HERC6: variants seen among roughly 807,000 people sequenced by gnomAD.
HERC6 encodes the protein HECT and RLD domain containing E3 ubiquitin protein ligase family member 6.
In HERC6, 101 loss-of-function variants were observed where a neutral mutation model predicts 114.5. The observed-to-expected ratio is 0.88, with a 90% CI of 0.75 to 1.04. The LOEUF (loss-of-function observed/expected upper bound fraction) is 1.04. Among genes scored for constraint, HERC6 ranks in the 50% least tolerant of loss-of-function variants. HERC6 has a pLI of 0.00. For synonymous variants in HERC6, 408 were observed against 436.2 expected (o/e 0.94, Z 0.81); for missense variants, 1,133 against 1,230.9 (o/e 0.92, Z 1.19).
intron 1 of HERC6, among the ~76,000 whole-genome samples, chr4:88,380,298 A>AAT (rs1230590567): frequency 4.5e-4 from 8 of 17,924 alleles, no homozygotes; most frequent in Non-Finnish European, 5.7e-4. Context: ...ATAATATATA[A>AAT]ATATATATAT....
At position 88,436,983 on chromosome 4, in the gene HERC6, T is replaced by C. The variant is rs182860861; in HGVS notation, c.2484+12T>C. 2 of 1,574,364 alleles carry C rather than the reference T, an allele frequency of 1.3e-6. No homozygotes were observed. The highest frequency in any genetic ancestry group is 1.4e-5 in the African/African-American group (1 of 73,788). The stretch of plus-strand genomic sequence containing the variant: ...GCATACGCTTTTCTGTGAGTACTAA[T>C]GAAAGCCAAATTATAGTTTAGCTTT... On this transcript the variant is annotated intron_variant, in intron 19 of 22. Coordinates refer to ENST00000264346, the MANE Select transcript of HERC6 (RefSeq NM_017912.4).
chr4:88,393,217 C>T (rs1257931995), intron 4 of HERC6, among the ~76,000 whole-genome samples: 1 of 151,742 alleles, frequency 6.6e-6, no homozygotes, highest in African/African-American at 2.4e-5. Context: ...AGGGTTTTTC[C>T]TCTGTCTTAT....
intron 13 of HERC6, among the ~76,000 whole-genome samples, chr4:88,422,425 C>T (rs971714981): frequency 7.9e-5 from 12 of 152,054 alleles, no homozygotes; most frequent in African/African-American, 2.7e-4. Context: ...TTTGTAGATA[C>T]GTTTTTAAAA....
chr4:88,410,630 A>G (rs1313947882), intron 11 of HERC6, among the ~76,000 whole-genome samples: 2 of 152,170 alleles, frequency 1.3e-5, no homozygotes, highest in Non-Finnish European at 2.9e-5. Flanking sequence ...ATTGGGGGTT[A>G]GGATTTTAAC....
At chr4:88,383,558 A>G (rs1321118612) in intron 2 of HERC6, among the ~76,000 whole-genome samples, 178 bp downstream of exon 2, 1 of 152,078 alleles carries the variant, frequency 6.6e-6, no homozygotes, top group Non-Finnish European at 1.5e-5. Flanking sequence ...CAGGAATTTG[A>G]GACCAGCCTG....
chr4:88,383,474 A>G, intron 2 of HERC6, 94 bp downstream of exon 2: 1 of 1,001,720 alleles, frequency 1.0e-6, no homozygotes, highest in Non-Finnish European at 1.4e-6. Context: ...GACGACTATG[A>G]CAGGCCAGCT....
At chr4:88,395,787 G>T (rs1042467359) in intron 5 of HERC6, among the ~76,000 whole-genome samples, 1 of 152,008 alleles carries the variant, frequency 6.6e-6, no homozygotes, top group African/African-American at 2.4e-5. Flanking sequence ...GCCTTCCAAA[G>T]TGCTGGTATT....
At position 88,413,071 on chromosome 4, in the gene HERC6, C is replaced by T. The variant is rs1303101744; in HGVS notation, c.1369-6C>T. On this transcript the variant is annotated splice_region_variant and splice_polypyrimidine_tract_variant and intron_variant, in intron 11 of 22. Transcript: ENST00000264346. ...GGTCTGTTCCCTGATCCTATTTTTA[C>T]CACAGATAACTACGTGTCTCGAGGA... The T allele has an allele frequency of 6.3e-7, 1 of 1,594,540 alleles. No individual in the cohort carries two copies. Among genetic ancestry groups the T allele is most frequent in the Non-Finnish European group, 8.5e-7 (1 of 1,171,270 alleles).
intron 1 of HERC6, among the ~76,000 whole-genome samples, chr4:88,382,168 A>G (rs931458970): frequency 6.6e-6 from 1 of 152,214 alleles, no homozygotes; most frequent in African/African-American, 2.4e-5. Flanking sequence ...AGATAAGATT[A>G]CAAAGATAAA....
intron 10 of HERC6, among the ~76,000 whole-genome samples, chr4:88,407,116 C>T (rs773174308): frequency 1.2e-4 from 18 of 152,002 alleles, no homozygotes; most frequent in Non-Finnish European, 2.5e-4. Context: ...CTCACTCTGT[C>T]ACCCAGGCTT....
rs758235051 is a variant in HERC6 at position 88,424,700 on chromosome 4, C to T, written c.1933C>T (p.Gln645Ter). Residue 645 changes from glutamine (Q) to a stop codon, truncating the protein, a stop_gained and splice_region_variant, in exon 15 of 23, where the codon CAG becomes TAG. Transcript: ENST00000264346. LOFTEE classifies it high-confidence loss of function. Reference protein sequence around the residue: ...LLQADSHIKMQMSEKKAYMLM... With the variant: ...LLQADSHIKM ...GCAAGCTGATTCACATATAAAGATG[C>T]AGGTATGTATGTCCTATTTTTTAGT... The T allele has an allele frequency of 1.1e-5, 18 of 1,570,706 alleles. No individual in the cohort carries two copies. The South Asian group carries it at 2.0e-4, about 18-fold the overall frequency.
intron 18 of HERC6, 37 bp downstream of exon 18, chr4:88,435,928 G>T (rs777799203): frequency 6.8e-7 from 1 of 1,474,280 alleles, no homozygotes; most frequent in Non-Finnish European, 9.1e-7. Flanking sequence ...ACCGTATCTA[G>T]TAAGTCTCAG....
chr4:88,437,277 T>C (rs1024820363), intron 19 of HERC6, among the ~76,000 whole-genome samples: 1 of 152,018 alleles, frequency 6.6e-6, no homozygotes, highest in African/African-American at 2.4e-5. Context: ...GGCTGGTCTC[T>C]AACTCCTGGC....
At chr4:88,429,919 A>C (rs1286347564) in intron 16 of HERC6, among the ~76,000 whole-genome samples, 1 of 152,234 alleles carries the variant, frequency 6.6e-6, no homozygotes, top group Non-Finnish European at 1.5e-5. Flanking sequence ...AAATAAAAAT[A>C]CAGACTCTGA....
At chr4:88,419,871 G>GA (rs1560557133) in intron 13 of HERC6, among the ~76,000 whole-genome samples, 1 of 152,068 alleles carries the variant, frequency 6.6e-6, no homozygotes, top group Non-Finnish European at 1.5e-5. Flanking sequence ...CTAATGTTGT[G>GA]ATAGAGAAAG....
chr4:88,416,291 T>C (rs1161827409), intron 12 of HERC6, among the ~76,000 whole-genome samples: 1 of 152,226 alleles, frequency 6.6e-6, no homozygotes, highest in Non-Finnish European at 1.5e-5. Flanking sequence ...ATAATTCCCA[T>C]TAACCCTGTG....
At chr4:88,432,517 C>G (rs775276897) in intron 17 of HERC6, among the ~76,000 whole-genome samples, 104 of 151,950 alleles carry the variant, frequency 6.8e-4, no homozygotes, top group Non-Finnish European at 1.1e-3. Context: ...GTCAGGAATT[C>G]GAGACCAGCC....
At chr4:88,389,930 A>G (rs184613952) in intron 3 of HERC6, among the ~76,000 whole-genome samples, 1 of 152,186 alleles carries the variant, frequency 6.6e-6, no homozygotes, top group Non-Finnish European at 1.5e-5. Context: ...TAATCCCAAC[A>G]CTTTGGGAGG....
chr4:88,405,021 A>G, intron 9 of HERC6, 24 bp downstream of exon 9: 1 of 1,609,314 alleles, frequency 6.2e-7, no homozygotes. Flanking sequence ...ATAAATTATA[A>G]GCCACTTTTA....
Sources: gnomAD v4.1 joint callset for allele counts (sites outside exome capture counted in the v4.1 genomes callset) on GRCh38, gnomAD v4.1.1 for gene constraint, MANE v1.5 for transcripts, NCBI Gene and HGNC (gene_info 2026-07-23, HGNC 2026-07-21) for gene names.